The following TPST2 variants were observed in gnomAD, a reference collection of about 807,000 sequenced individuals.
TPST2 encodes protein-tyrosine sulfotransferase 2.
TPST2 carries 16 observed loss-of-function variants against 27.8 expected under a neutral mutation model. The ratio of observed to expected loss-of-function variants is 0.58; its 90% CI spans 0.39 to 0.88. The LOEUF (loss-of-function observed/expected upper bound fraction) is 0.88. Among genes scored for constraint, TPST2 ranks in the 40% least tolerant of loss-of-function variants. TPST2 has a pLI of 0.00. For missense variants in TPST2, 464 were observed against 543.1 expected, an observed-to-expected ratio of 0.85 and a Z score of 1.45; for synonymous variants, 229 against 231.7, an observed-to-expected ratio of 0.99 and a Z score of 0.10.
At chr22:26,582,342 G>A (rs952636909) in intron 1 of TPST2, among the ~76,000 whole-genome samples, 7 of 152,252 alleles carry the variant, frequency 4.6e-5, no homozygotes, top group African/African-American at 1.2e-4. Context: ...CAGGAGAATC[G>A]CTTGAACCCG....
chr22:26,584,216 C>T (rs1435576032), intron 1 of TPST2, among the ~76,000 whole-genome samples: 1 of 152,178 alleles, frequency 6.6e-6, no homozygotes, highest in Non-Finnish European at 1.5e-5. Flanking sequence ...CAATGTCACA[C>T]AGCAATTTGG....
At chr22:26,558,932 GA>G (rs1006891555) in intron 1 of TPST2, among the ~76,000 whole-genome samples, 3 of 152,126 alleles carry the variant, frequency 2.0e-5, no homozygotes, top group Non-Finnish European at 2.9e-5. Context: ...AAGGCAGAAA[GA>G]AAAAAATCAG....
Position 26,536,483 on chromosome 22 carries a change from G to C in TPST2, c.846C>G (p.Ile282Met). Residue 282 changes from isoleucine to methionine, a missense_variant, in exon 4 of 7, where the codon ATC (isoleucine) becomes ATG (methionine). By Grantham distance (10) the Ile-to-Met change is conservative. Coordinates refer to ENST00000338754, the MANE Select transcript of TPST2 (RefSeq NM_003595.5). The stretch of plus-strand genomic sequence containing the variant: ...TGATGACCTGGTCCGTGGACCGCTC[G>C]ATCCTGGGGAGAGAGGAGACGCTGG... The part of the protein sequence containing the change: ...GKPGGVSLSK[I>M]ERSTDQVIKP... The C allele has an allele frequency of 1.3e-6, 2 of 1,521,720 alleles. No homozygotes were observed. Among genetic ancestry groups the C allele is most frequent in the Non-Finnish European group, 1.8e-6 (2 of 1,135,044 alleles). 94.3% of individuals were successfully genotyped at this position (1,521,720 alleles called of 1,614,324 possible). A position where few individuals can be genotyped will look rare whatever the true frequency, so the allele number is the denominator to read the frequency against.
chr22:26,531,171 T>C (rs1160868768), intron 5 of TPST2, among the ~76,000 whole-genome samples: 4 of 152,184 alleles, frequency 2.6e-5, no homozygotes, highest in African/African-American at 7.2e-5. Context: ...AGGGCTGCCC[T>C]GCAGATAAGT....
At chr22:26,578,137 C>T (rs745675449) in intron 1 of TPST2, among the ~76,000 whole-genome samples, 4 of 152,210 alleles carry the variant, frequency 2.6e-5, no homozygotes, top group East Asian at 3.9e-4. Context: ...TCAGGTGATC[C>T]GCGCATCTCC....
At chr22:26,544,212 A>G (rs1361353418) in intron 2 of TPST2, among the ~76,000 whole-genome samples, 1 of 152,224 alleles carries the variant, frequency 6.6e-6, no homozygotes, top group Non-Finnish European at 1.5e-5. Flanking sequence ...CAGAAGGCCA[A>G]GGAACTCCTG....
chr22:26,585,143 T>C (rs796527240), intron 1 of TPST2, among the ~76,000 whole-genome samples: 12 of 152,328 alleles, frequency 7.9e-5, no homozygotes, highest in African/African-American at 2.6e-4. Flanking sequence ...ACCTGGATTC[T>C]AATACAGGCC....
At chr22:26,536,078 C>G (rs771399371) in intron 4 of TPST2, 2 of 719,444 alleles carry the variant, frequency 2.8e-6, no homozygotes, top group South Asian at 3.0e-5. Context: ...GTATGAGAGA[C>G]AGGCTACCAG....
chr22:26,573,159 G>A (rs879834221), intron 1 of TPST2, among the ~76,000 whole-genome samples: 18 of 152,060 alleles, frequency 1.2e-4, no homozygotes, highest in African/African-American at 4.3e-4. Flanking sequence ...TCAGCCCCTC[G>A]AGTAGAGAGG....
At chr22:26,547,650 T>G (rs1489029472) in intron 1 of TPST2, 1 of 152,042 alleles carries the variant, frequency 6.6e-6, no homozygotes, top group Admixed American at 6.6e-5. Flanking sequence ...GAAATATGAC[T>G]CAACTGCTAC....
In TPST2 at chr22:26,522,513, A is replaced by C. The variant is rs1924605509; in HGVS notation, c.*3762T>G. The C allele has an allele frequency of 6.6e-6, 1 of 152,152 alleles. No individual in the cohort carries two copies. The highest frequency in any genetic ancestry group is 2.1e-4 in the South Asian group (1 of 4,822). 9.4% of individuals were successfully genotyped at this position (152,152 alleles called of 1,614,324 possible). ...CACAGTGAGATTAAAATTCTGCCCA[A>C]ATCAGGGTACATGGGTGGAATTAAT... On this transcript the variant is annotated 3_prime_UTR_variant, in exon 7 of 7. Coordinates refer to ENST00000338754, the MANE Select transcript of TPST2 (RefSeq NM_003595.5).
At chr22:26,537,673 G>A (rs1235545532) in intron 3 of TPST2, among the ~76,000 whole-genome samples, 2 of 151,992 alleles carry the variant, frequency 1.3e-5, no homozygotes, top group African/African-American at 2.4e-5. Flanking sequence ...GGCTGGTCTC[G>A]AACTCCTGAC....
rs1172972103 is a variant in TPST2, at chr22:26,522,598, C to G, written c.*3677G>C. The G allele has an allele frequency of 6.6e-6, 1 of 152,262 alleles. No individual in the cohort carries two copies. The highest frequency in any genetic ancestry group is 2.4e-5 in the African/African-American group (1 of 41,470). The allele number at this position is 152,262 out of a possible 1,614,324, so 9.4% of individuals were successfully genotyped here. ...AATTCTACTTCTCATTTTGCAGAGA[C>G]TCACTCATACAGTGGCATCAAGAGG... On this transcript the variant is annotated 3_prime_UTR_variant, in exon 7 of 7. Transcript: ENST00000338754.
intron 1 of TPST2, chr22:26,565,588 G>C (rs1320637796): frequency 2.0e-5 from 3 of 152,210 alleles, no homozygotes; most frequent in Non-Finnish European, 4.4e-5. Context: ...ATTTTGGCCA[G>C]AGGATGTCAG....
chr22:26,560,254 G>T (rs1367211098), intron 1 of TPST2, among the ~76,000 whole-genome samples: 4 of 152,124 alleles, frequency 2.6e-5, no homozygotes, highest in Non-Finnish European at 5.9e-5. Context: ...ACGGTAGGAT[G>T]GTCTCCTGGT....
At chr22:26,527,172 A>G (rs1569174742) in intron 6 of TPST2, among the ~76,000 whole-genome samples, 1 of 152,364 alleles carries the variant, frequency 6.6e-6, no homozygotes, top group East Asian at 1.9e-4. Context: ...AATTGAAAGA[A>G]AAACTAAAAC....
In TPST2 at chr22:26,523,978, C is replaced by T. The variant is rs1924689934; in HGVS notation, c.*2297G>A. The T allele has an allele frequency of 1.3e-5, 2 of 150,692 alleles. No individual in the cohort carries two copies. Among genetic ancestry groups the T allele is most frequent in the African/African-American group, 2.4e-5 (1 of 41,356 alleles). 9.3% of individuals were successfully genotyped at this position (150,692 alleles called of 1,614,324 possible). A position where few individuals can be genotyped will look rare whatever the true frequency, so the allele number is the denominator to read the frequency against. On this transcript the variant is annotated 3_prime_UTR_variant, in exon 7 of 7. Transcript: ENST00000338754. Reference sequence around the variant, plus strand: ...ATAAAAGGTAACTCCTGGAACCAGACATAAATTTTTTTTTTGGGGTGTGTG... The same window carrying T: ...ATAAAAGGTAACTCCTGGAACCAGATATAAATTTTTTTTTTGGGGTGTGTG...
At chr22:26,589,212 G>A (rs1928457002) in intron 1 of TPST2, among the ~76,000 whole-genome samples, 1 of 152,136 alleles carries the variant, frequency 6.6e-6, no homozygotes, top group African/African-American at 2.4e-5. Context: ...AGGGGAAGGG[G>A]GCAAGAGGTT....
At chr22:26,574,001 CGA>C (rs1255820348) in intron 1 of TPST2, among the ~76,000 whole-genome samples, 1 of 152,120 alleles carries the variant, frequency 6.6e-6, no homozygotes, top group African/African-American at 2.4e-5. Context: ...GAGAAACCCA[CGA>C]GAGAGAAGGG....
Sources: gnomAD v4.1 joint callset for allele counts (sites outside exome capture counted in the v4.1 genomes callset) on GRCh38, gnomAD v4.1.1 for gene constraint, MANE v1.5 for transcripts, NCBI Gene and HGNC (gene_info 2026-07-23, HGNC 2026-07-21) for gene names.